Variants in TSHZ3 observed in about 807,000 individuals in gnomAD.
TSHZ3 encodes teashirt homolog 3.
A neutral mutation model predicts 64.5 loss-of-function variants in TSHZ3; 10 were observed. That is an observed-to-expected ratio of 0.16 (90% CI 0.10 to 0.26). TSHZ3 has a LOEUF of 0.26. Among genes scored for constraint, TSHZ3 ranks in the 10% least tolerant of loss-of-function variants. The probability of loss-of-function intolerance (pLI) is 1.00; values close to 1 mark genes in which losing one functional copy is unlikely to be tolerated. For missense variants in TSHZ3, 1,242 were observed against 1,421.7 expected (o/e 0.87, Z 2.03); for synonymous variants, 608 against 593.1 (o/e 1.03, Z -0.36).
intron 6 of TSHZ3, among the ~76,000 whole-genome samples, chr19:31,152,080 C>T (rs1440436930): frequency 1.3e-5 from 2 of 151,826 alleles, no homozygotes; most frequent in African/African-American, 4.8e-5. Flanking sequence ...TCAATTCTCC[C>T]TGTAAATTTC....
chr19:31,254,452 G>GGGCC (rs768661106), intron 1 of TSHZ3, among the ~76,000 whole-genome samples: 41 of 152,190 alleles, frequency 2.7e-4, no homozygotes, highest in African/African-American at 9.7e-4. Context: ...GGAGGAAAGG[G>GGGCC]GGCCGGTCAG....
rs146785598 is a variant in TSHZ3 at position 31,308,936 on chromosome 19, G to C, written c.41-29184C>G. Among the ~76,000 whole-genome samples the C allele has an allele frequency of 4.5e-3, 686 of 152,326 alleles. 2 individuals carry two copies. Among genetic ancestry groups the C allele is most frequent in the African/African-American group, 0.016 (662 of 41,584 alleles). On this transcript the variant is annotated intron_variant, in intron 1 of 1. Coordinates refer to ENST00000240587, the MANE Select transcript of TSHZ3 (RefSeq NM_020856.4). Reference sequence around the variant, plus strand: ...CAGATTCCACGCCGCCTAACTTTTTGGTGGGGCCCACTCGCCATGACAGGC... The same window carrying C: ...CAGATTCCACGCCGCCTAACTTTTTCGTGGGGCCCACTCGCCATGACAGGC...
chr19:31,264,980 C>A (rs1976029599), intron 1 of TSHZ3, among the ~76,000 whole-genome samples: 1 of 152,114 alleles, frequency 6.6e-6, no homozygotes, highest in Non-Finnish European at 1.5e-5. Context: ...CCAGCTATAC[C>A]TTGTGGAGAG....
intron 1 of TSHZ3, among the ~76,000 whole-genome samples, chr19:31,338,496 A>G (rs569890652): frequency 2.0e-5 from 3 of 151,902 alleles, no homozygotes; most frequent in East Asian, 3.9e-4. Flanking sequence ...TTCTCACACT[A>G]CTAACCAAGC....
chr19:31,181,569 C>T (rs1974715658), intron 5 of TSHZ3, among the ~76,000 whole-genome samples: 1 of 152,096 alleles, frequency 6.6e-6, no homozygotes, highest in Non-Finnish European at 1.5e-5. Flanking sequence ...AGGAGCTAGA[C>T]TTATGCCAGC....
chr19:31,224,862 G>A (rs1306037857), intron 4 of TSHZ3, among the ~76,000 whole-genome samples: 1 of 152,204 alleles, frequency 6.6e-6, no homozygotes, highest in Non-Finnish European at 1.5e-5. Flanking sequence ...GTGCTCAAGA[G>A]CTGGAGGTGA....
chr19:31,299,851 A>G (rs1976723950), intron 1 of TSHZ3, among the ~76,000 whole-genome samples: 1 of 152,230 alleles, frequency 6.6e-6, no homozygotes, highest in Non-Finnish European at 1.5e-5. Context: ...AGGGGACAGT[A>G]GGAACACTGT....
intron 1 of TSHZ3, among the ~76,000 whole-genome samples, chr19:31,312,947 T>C (rs1032877599): frequency 6.6e-6 from 1 of 152,252 alleles, no homozygotes; most frequent in East Asian, 1.9e-4. Flanking sequence ...ATTTTCCCTT[T>C]ATGGCAAGTG....
intron 1 of TSHZ3, among the ~76,000 whole-genome samples, chr19:31,266,455 C>T (rs145647673): frequency 6.6e-6 from 1 of 152,188 alleles, no homozygotes; most frequent in Non-Finnish European, 1.5e-5. Flanking sequence ...GGCGCCACTC[C>T]CTGAGGAATC....
chr19:31,236,508 T>C (rs1975617426), intron 3 of TSHZ3, among the ~76,000 whole-genome samples: 2 of 152,230 alleles, frequency 1.3e-5, no homozygotes, highest in Non-Finnish European at 2.9e-5. Flanking sequence ...TGTTAAATTG[T>C]TCGAGTTCTT....
intron 1 of TSHZ3, among the ~76,000 whole-genome samples, chr19:31,281,140 TAAG>T (rs1467036090): frequency 6.6e-6 from 1 of 152,124 alleles, no homozygotes. Flanking sequence ...AAAAAGCTCT[TAAG>T]AAAGGAAGGG....
At chr19:31,183,647 G>A (rs937511980) in intron 5 of TSHZ3, among the ~76,000 whole-genome samples, 4 of 152,104 alleles carry the variant, frequency 2.6e-5, no homozygotes, top group Non-Finnish European at 4.4e-5. Context: ...TTTTAAAGGC[G>A]TCTTGATCCA....
At chr19:31,308,816 A>G in intron 1 of TSHZ3, 1 of 396,706 alleles carries the variant, frequency 2.5e-6, no homozygotes, top group Middle Eastern at 6.4e-4. Flanking sequence ...TGACTCCTAC[A>G]GATGGGCTTC....
intron 3 of TSHZ3, among the ~76,000 whole-genome samples, chr19:31,240,023 C>A (rs1975667940): frequency 6.6e-6 from 1 of 152,000 alleles, no homozygotes; most frequent in South Asian, 2.1e-4. Flanking sequence ...TTACATTTAT[C>A]TTGCTTGGAA....
chr19:31,310,378 C>T (rs1916423353), intron 1 of TSHZ3, among the ~76,000 whole-genome samples: 1 of 152,162 alleles, frequency 6.6e-6, no homozygotes, highest in Admixed American at 6.5e-5. Context: ...GGCCATTCCA[C>T]ATGCATTTCC....
In TSHZ3 at chr19:31,277,099, C is replaced by G; in HGVS notation, c.2694G>C (p.Trp898Cys). 1 of 1,604,112 alleles carries G rather than the reference C, an allele frequency of 6.2e-7. No homozygotes were observed. Among genetic ancestry groups the G allele is most frequent in the Non-Finnish European group, 8.5e-7 (1 of 1,174,304 alleles). The change falls in exon 2 of 2, where the codon TGG (tryptophan) becomes TGC (cysteine). Residue 898 changes from tryptophan (W) to cysteine (C), a missense_variant. Trp to Cys is a radical substitution (Grantham distance 215). This residue lies in a region of TSHZ3 where 550 missense variants were observed against 545.1 expected (regional missense o/e 1.01). Coordinates refer to ENST00000240587, the MANE Select transcript of TSHZ3 (RefSeq NM_020856.4). The surrounding 1 kb of genome is among the most constrained non-coding windows in gnomAD (Gnocchi z 4.5). ...AQKRKGRQSN[W>C]NPQHLLILQA... is the part of the protein sequence containing the mutation. ...GGAGGATCAGGAGGTGCTGGGGGTTCCAGTTTGACTGGCGGCCCTTCCTCT... is the reference window on the plus strand; with the variant it reads ...GGAGGATCAGGAGGTGCTGGGGGTTGCAGTTTGACTGGCGGCCCTTCCTCT...
At chr19:31,164,651 A>C (rs553780754) in intron 5 of TSHZ3, among the ~76,000 whole-genome samples, 3 of 152,248 alleles carry the variant, frequency 2.0e-5, no homozygotes, top group East Asian at 1.9e-4. Flanking sequence ...TCTGGACCTC[A>C]GTTTTGGCAG....
intron 5 of TSHZ3, among the ~76,000 whole-genome samples, chr19:31,169,540 G>A (rs546428434): frequency 6.6e-6 from 1 of 152,284 alleles, no homozygotes; most frequent in South Asian, 2.1e-4. Context: ...GGAGATGGAT[G>A]GCAGTAATGA....
chr19:31,348,274 A>T (rs2021572816), intron 1 of TSHZ3, among the ~76,000 whole-genome samples: 1 of 152,186 alleles, frequency 6.6e-6, no homozygotes, highest in Non-Finnish European at 1.5e-5. Flanking sequence ...ACGGGCGATC[A>T]ATCAGTCATC....
Sources: gnomAD v4.1 joint callset for allele counts (sites outside exome capture counted in the v4.1 genomes callset) on GRCh38, gnomAD v4.1.1 for gene constraint, gnomAD v4.1.1 regional missense constraint, Gnocchi (gnomAD v3.1) non-coding constraint, MANE v1.5 for transcripts, NCBI Gene and HGNC (gene_info 2026-07-23, HGNC 2026-07-21) for gene names.